MAML1: variants seen among roughly 807,000 people sequenced by gnomAD.
The protein encoded by MAML1 is mastermind like transcriptional coactivator 1.
Under a neutral mutation model 77.1 loss-of-function variants are expected in MAML1, and 14 were observed. The observed-to-expected ratio is 0.18, with a 90% CI of 0.12 to 0.28. The LOEUF (loss-of-function observed/expected upper bound fraction) is 0.28. MAML1 is among the 10% of genes least tolerant of loss of function. The pLI is 1.00. For synonymous variants in MAML1, 516 were observed against 551.9 expected (o/e 0.93, Z 0.91); for missense variants, 1,217 against 1,327.8 (o/e 0.92, Z 1.30).
rs577536995 is a variant in MAML1 at position 179,773,409 on chromosome 5, C to A, written c.2069-486C>A. ...ATTGCTAAACTTCTGTGCTTTTAAACCTAGTGGATTCATCACTGTCTCTCT... is the reference window on the plus strand; with the variant it reads ...ATTGCTAAACTTCTGTGCTTTTAAAACTAGTGGATTCATCACTGTCTCTCT... On this transcript the variant is annotated intron_variant, in intron 4 of 4. Transcript: ENST00000292599. 1.0e-4 allele frequency among the ~76,000 whole-genome samples: 16 copies of A among 152,386 alleles called. No individual in the cohort carries two copies. The South Asian group carries it at 3.3e-3, about 32-fold the overall frequency.
Position 179,771,291 on chromosome 5 carries a change from G to A in MAML1, c.2068+48G>A. 6.6e-7 allele frequency: 1 copy of A among 1,514,452 alleles called. No individual in the cohort carries two copies. The highest frequency in any genetic ancestry group is 9.2e-7 in the Non-Finnish European group (1 of 1,089,732). 93.8% of individuals were successfully genotyped at this position (1,514,452 alleles called of 1,614,324 possible). On this transcript the variant is annotated intron_variant, in intron 4 of 4. Coordinates refer to ENST00000292599, the MANE Select transcript of MAML1 (RefSeq NM_014757.5). This position sits in a 1 kb window ranked among gnomAD's most constrained non-coding sequence, Gnocchi z 4.7. ...GCAGGGACAGGGGAGGCCGCTGCCT[G>A]GTGCTGGTTGAATCCCTGCTGTCTG...
Position 179,735,676 on chromosome 5 carries a change from C to G in MAML1, c.315+2249C>G, listed in dbSNP as rs148433482. Reference sequence around the variant, plus strand: ...AAAGTGCTGGGATTACAGGTGTGAGCCACTGCACCTAGCCTATTTATTTTT... The same window carrying G: ...AAAGTGCTGGGATTACAGGTGTGAGGCACTGCACCTAGCCTATTTATTTTT... On this transcript the variant is annotated intron_variant, in intron 1 of 4. Transcript: ENST00000292599. Among the ~76,000 whole-genome samples, 328 of 149,382 alleles carry G rather than the reference C, an allele frequency of 2.2e-3. 1 individual carries two copies. Among genetic ancestry groups the G allele is most frequent in the Middle Eastern group, 8.1e-3 (2 of 246 alleles).
chr5:179,744,675 C>G (rs551701884), intron 1 of MAML1, among the ~76,000 whole-genome samples: 1 of 151,260 alleles, frequency 6.6e-6, no homozygotes, highest in African/African-American at 2.4e-5. Flanking sequence ...CTACCATGCC[C>G]GGCTAATTTT....
intron 1 of MAML1, among the ~76,000 whole-genome samples, chr5:179,752,598 CTTTTTTTTTT>C (rs1172970221): frequency 1.4e-4 from 10 of 71,820 alleles, no homozygotes; most frequent in South Asian, 4.7e-4. Flanking sequence ...ATTAGATACT[CTTTTTTTTTT>C]TTTTTTTTTT....
rs188390019 is a variant in MAML1 at position 179,751,829 on chromosome 5, T to C, written c.316-13497T>C. On this transcript the variant is annotated intron_variant, in intron 1 of 4. Coordinates refer to ENST00000292599, the MANE Select transcript of MAML1 (RefSeq NM_014757.5). ...GAGTTCAAGACCAGCCTGGGCAGCA[T>C]GGCAAAACCCCATCTTTACAAAAAA... is the stretch of plus-strand genomic sequence containing the variant. Among the ~76,000 whole-genome samples, 193 of 151,548 alleles carry C rather than the reference T, an allele frequency of 1.3e-3. 1 individual carries two copies. The highest frequency in any genetic ancestry group is 4.4e-3 in the African/African-American group (180 of 41,246).
chr5:179,758,406 T>TC (rs1779664923), intron 1 of MAML1, among the ~76,000 whole-genome samples: 1 of 151,746 alleles, frequency 6.6e-6, no homozygotes, highest in East Asian at 1.9e-4. Flanking sequence ...TTCTTTTTTT[T>TC]TTTTTTAATA....
chr5:179,746,675 C>T (rs1779390057), intron 1 of MAML1, among the ~76,000 whole-genome samples: 1 of 152,136 alleles, frequency 6.6e-6, no homozygotes, highest in Non-Finnish European at 1.5e-5. Flanking sequence ...ACCTAGCCAG[C>T]AATGTTACTC....
In MAML1 at chr5:179,775,516, C is replaced by T. The variant is rs1025301631; in HGVS notation, c.*639C>T. On this transcript the variant is annotated 3_prime_UTR_variant, in exon 5 of 5. Coordinates refer to ENST00000292599, the MANE Select transcript of MAML1 (RefSeq NM_014757.5). ...TTCCCTAAGTGCAGGCTGTTGACTG[C>T]GTATGCCAAAAAGGGACAGGAGGCA... 5.1e-6 allele frequency: 5 copies of T among 985,296 alleles called. No individual in the cohort carries two copies. The highest frequency in any genetic ancestry group is 4.8e-6 in the Non-Finnish European group (4 of 829,920). 61.0% of individuals were successfully genotyped at this position (985,296 alleles called of 1,614,324 possible).
chr5:179,767,095 C>CTT (rs10707656), intron 2 of MAML1, among the ~76,000 whole-genome samples: 1,099 of 100,796 alleles, frequency 0.011, 17 homozygotes, highest in African/African-American at 0.038. Context: ...AGAGGCTTGG[C>CTT]TTTTTTTTTT....
chr5:179,759,517 G>T lies in MAML1; in HGVS notation c.316-5809G>T, dbSNP rs148676235. ...TTCCTACAGCACTTGGTTCAGATTT[G>T]TGCTTTATCAAATTAACAAGTTGCT... On this transcript the variant is annotated intron_variant, in intron 1 of 4. Transcript: ENST00000292599. 1.3e-3 allele frequency among the ~76,000 whole-genome samples: 194 copies of T among 152,314 alleles called. 1 individual carries two copies. The highest frequency in any genetic ancestry group is 0.01 in the Middle Eastern group (3 of 294).
intron 1 of MAML1, among the ~76,000 whole-genome samples, chr5:179,755,672 C>G (rs1324140460): frequency 1.3e-5 from 2 of 150,542 alleles, no homozygotes; most frequent in African/African-American, 4.9e-5. Flanking sequence ...CATAAACTTT[C>G]TTAAAACACT....
intron 1 of MAML1, among the ~76,000 whole-genome samples, chr5:179,736,856 G>GA (rs1779180541): frequency 6.6e-6 from 1 of 151,960 alleles, no homozygotes; most frequent in Non-Finnish European, 1.5e-5. Flanking sequence ...AGCTACACGG[G>GA]AGGCTGAGGG....
chr5:179,767,138 T>G (rs1323652370), intron 2 of MAML1, among the ~76,000 whole-genome samples: 1 of 147,512 alleles, frequency 6.8e-6, no homozygotes, highest in African/African-American at 2.5e-5. Flanking sequence ...CAGATCTCCA[T>G]GTACAAAATT....
At position 179,776,562 on chromosome 5, in the gene MAML1, A is replaced by G. The variant is rs1472839235; in HGVS notation, c.*1685A>G. ...GCTCTCAAAGAAGGGGTGAATCATA[A>G]AGCCAGTGAAAATTTCACCCTCTGA... On this transcript the variant is annotated 3_prime_UTR_variant, in exon 5 of 5. Coordinates refer to ENST00000292599, the MANE Select transcript of MAML1 (RefSeq NM_014757.5). The G allele has an allele frequency of 2.0e-6, 2 of 985,484 alleles. No homozygotes were observed. The highest frequency in any genetic ancestry group is 2.4e-6 in the Non-Finnish European group (2 of 829,926). The allele number at this position is 985,484 out of a possible 1,614,324, so 61.0% of individuals were successfully genotyped here.
At position 179,774,050 on chromosome 5, in the gene MAML1, G is replaced by A; in HGVS notation, c.2224G>A (p.Val742Met). ...AAACTCAGGCCAACAGGACCGGGGTGTGGCTCAGTTCCCTGGCTCCCAAAA... is the reference window on the plus strand; with the variant it reads ...AAACTCAGGCCAACAGGACCGGGGTATGGCTCAGTTCCCTGGCTCCCAAAA... ...PTNSGQQDRG[V>M]AQFPGSQNMP... Residue 742 changes from valine to methionine, a missense_variant, in exon 5 of 5, where the codon GTG (valine) becomes ATG (methionine). This residue lies in a region of MAML1 where 884 missense variants were observed against 949.3 expected (regional missense o/e 0.93). Coordinates refer to ENST00000292599, the MANE Select transcript of MAML1 (RefSeq NM_014757.5). The A allele has an allele frequency of 6.2e-7, 1 of 1,614,174 alleles. No homozygotes were observed. Among genetic ancestry groups the A allele is most frequent in the South Asian group, 1.1e-5 (1 of 91,092 alleles).
At chr5:179,748,849 G>A (rs996989188) in intron 1 of MAML1, among the ~76,000 whole-genome samples, 3 of 142,472 alleles carry the variant, frequency 2.1e-5, no homozygotes, top group Admixed American at 6.8e-5. Context: ...AAAGAGAATT[G>A]GAACAATGTC....
intron 1 of MAML1, among the ~76,000 whole-genome samples, chr5:179,757,287 G>T (rs1779640102): frequency 6.6e-6 from 1 of 152,074 alleles, no homozygotes; most frequent in South Asian, 2.1e-4. Flanking sequence ...AGCAATGTGG[G>T]TCAAGTGAGG....
At chr5:179,734,142 G>A (rs778705297) in intron 1 of MAML1, among the ~76,000 whole-genome samples, 2 of 152,136 alleles carry the variant, frequency 1.3e-5, no homozygotes, top group Non-Finnish European at 2.9e-5. Context: ...AAATTTGTTG[G>A]TTAGAGGTTT....
At chr5:179,767,939 A>G (rs533470724) in intron 2 of MAML1, among the ~76,000 whole-genome samples, 86 of 152,374 alleles carry the variant, frequency 5.6e-4, no homozygotes, top group Non-Finnish European at 1.1e-3. Context: ...GGCCTTTGAC[A>G]TGACTCTCAC....
Sources: allele counts gnomAD v4.1 joint callset (sites outside exome capture counted in the v4.1 genomes callset), GRCh38; gene constraint gnomAD v4.1.1; regional missense constraint gnomAD v4.1.1; non-coding constraint Gnocchi (gnomAD v3.1); transcripts MANE v1.5; gene names NCBI Gene and HGNC (gene_info 2026-07-23, HGNC 2026-07-21).